The following SHANK2 variants were observed in gnomAD, a reference collection of about 807,000 sequenced individuals.
SHANK2 encodes the protein SH3 and multiple ankyrin repeat domains 2, also known as SH3 and multiple ankyrin repeat domains protein 2.
Under a neutral mutation model 133.7 loss-of-function variants are expected in SHANK2, and 43 were observed. That is an observed-to-expected ratio of 0.32 (90% CI 0.25 to 0.41). SHANK2 has a LOEUF of 0.41. SHANK2 is among the 10% of genes least tolerant of loss of function. The probability of loss-of-function intolerance (pLI) is 1.00; values close to 1 mark genes in which losing one functional copy is unlikely to be tolerated. For missense variants in SHANK2, 1,994 were observed against 2,235.8 expected (o/e 0.89, Z 2.18); for synonymous variants, 1,017 against 952.8 (o/e 1.07, Z -1.24).
rs782516091 is a variant in SHANK2, at chr11:70,485,382, C to G, written c.4911G>C (p.Glu1637Asp). Residue 1637 changes from glutamate (E) to aspartate (D), a missense_variant, in exon 25 of 26, where the codon GAG becomes GAC. Physicochemically the swap from Glu to Asp is conservative, Grantham distance 45 (BLOSUM62 2). This residue lies in a region of SHANK2 where 797 missense variants were observed against 907.4 expected (regional missense o/e 0.88). Transcript: ENST00000601538. The surrounding 1 kb of genome is among the most constrained non-coding windows in gnomAD (Gnocchi z 5.8). ...LNSILQQMNR[E>D]KLAKPGEGLD... ...GTCCTTCCCCCGGCTTTGCCAATTT[C>G]TCTCGGTTCATTTGCTGTAGGATAG... is the stretch of plus-strand genomic sequence containing the variant. 3.1e-6 allele frequency: 5 copies of G among 1,614,068 alleles called. No homozygotes were observed. In the South Asian group the frequency reaches 5.5e-5, roughly 18 times the overall value.
chr11:70,579,370 C>A (rs1345486459), intron 17 of SHANK2, among the ~76,000 whole-genome samples: 2 of 152,254 alleles, frequency 1.3e-5, no homozygotes, highest in Non-Finnish European at 2.9e-5. Flanking sequence ...ATGGTGGCTG[C>A]CTCTGAGGAC....
chr11:70,846,877 C>A lies in SHANK2; in HGVS notation c.1175-26195G>T, dbSNP rs533628551. On this transcript the variant is annotated intron_variant, in intron 11 of 25. Coordinates refer to ENST00000601538, the MANE Select transcript of SHANK2 (RefSeq NM_012309.5). ...TGAACGAGGTCATCCAATGGAGAGC[C>A]TTCGGTGCCTCCCAGGCCCAGAGCA... is the stretch of plus-strand genomic sequence containing the variant. Among the ~76,000 whole-genome samples, 5 of 152,206 alleles carry A rather than the reference C, an allele frequency of 3.3e-5. No homozygotes were observed. The South Asian group carries it at 1.0e-3, about 32-fold the overall frequency.
In SHANK2 at chr11:70,598,840, G is replaced by A. The variant is rs540641299; in HGVS notation, c.2061+60988C>T. On this transcript the variant is annotated intron_variant, in intron 17 of 25. Transcript: ENST00000601538. ...CAAGTGATACAAAAAAGGACTTGAGGAAATTAATTATCCGCTTGCAATTAA... is the reference window on the plus strand; with the variant it reads ...CAAGTGATACAAAAAAGGACTTGAGAAAATTAATTATCCGCTTGCAATTAA... 3.6e-4 allele frequency among the ~76,000 whole-genome samples: 52 copies of A among 145,280 alleles called. 2 individuals carry two copies. In the South Asian group the frequency reaches 0.01, roughly 29 times the overall value.
intron 3 of SHANK2, among the ~76,000 whole-genome samples, chr11:71,120,700 C>A (rs2135275557): frequency 1.3e-5 from 2 of 152,320 alleles, no homozygotes; most frequent in East Asian, 1.9e-4. Context: ...CCGCACCCTC[C>A]CCCATCCTTG....
chr11:71,089,844 G>A (rs1483371882), intron 8 of SHANK2, among the ~76,000 whole-genome samples: 2 of 152,230 alleles, frequency 1.3e-5, no homozygotes, highest in Non-Finnish European at 2.9e-5. Flanking sequence ...GCCGAGGGAT[G>A]GCAGGGCCAT....
chr11:71,197,823 T>G (rs1271571956), intron 2 of SHANK2, among the ~76,000 whole-genome samples: 1 of 152,170 alleles, frequency 6.6e-6, no homozygotes, highest in East Asian at 1.9e-4. Context: ...CACTGTTGAT[T>G]AACCGAAAGG....
At chr11:70,837,975 CAAAAAAAAAAA>C (rs55862093) in intron 11 of SHANK2, among the ~76,000 whole-genome samples, 39 of 25,178 alleles carry the variant, frequency 1.5e-3, no homozygotes, top group African/African-American at 4.3e-3. Context: ...CATTCTGTCT[CAAAAAAAAAAA>C]AAAAAAAAAA....
intron 6 of SHANK2, among the ~76,000 whole-genome samples, chr11:71,096,594 T>C (rs1555095471): frequency 6.6e-6 from 1 of 152,098 alleles, no homozygotes; most frequent in African/African-American, 2.4e-5. Context: ...TGACTGATCC[T>C]CGAAGGGCAC....
chr11:70,682,547 C>A (rs1945051332), intron 15 of SHANK2, among the ~76,000 whole-genome samples: 1 of 152,202 alleles, frequency 6.6e-6, no homozygotes, highest in Admixed American at 6.5e-5. Flanking sequence ...GAAGTGGGAC[C>A]AGGAGGATGA....
chr11:70,728,359 G>C (rs1555031227), intron 14 of SHANK2, among the ~76,000 whole-genome samples: 1 of 152,220 alleles, frequency 6.6e-6, no homozygotes, highest in Admixed American at 6.5e-5. Flanking sequence ...CCGAGGCACC[G>C]TGACTTGGGA....
intron 17 of SHANK2, among the ~76,000 whole-genome samples, chr11:70,504,588 G>A (rs1565079208): frequency 6.6e-6 from 1 of 152,156 alleles, no homozygotes; most frequent in Non-Finnish European, 1.5e-5. Flanking sequence ...CTGGACAGCT[G>A]GTCACCCTGC....
chr11:70,755,708 C>A (rs1946854208), intron 14 of SHANK2, among the ~76,000 whole-genome samples: 1 of 152,164 alleles, frequency 6.6e-6, no homozygotes, highest in Non-Finnish European at 1.5e-5. Flanking sequence ...CATCTAGTGG[C>A]CACAAGCAGG....
chr11:70,566,935 A>G (rs1554982002), intron 17 of SHANK2, among the ~76,000 whole-genome samples: 2 of 152,070 alleles, frequency 1.3e-5, no homozygotes, highest in Non-Finnish European at 2.9e-5. Context: ...AAGAATCTCT[A>G]CTCAGCCACA....
At chr11:70,756,475 C>T (rs782233751) in intron 14 of SHANK2, among the ~76,000 whole-genome samples, 7 of 152,188 alleles carry the variant, frequency 4.6e-5, no homozygotes, top group African/African-American at 7.2e-5. Context: ...GCACAGAGCA[C>T]ACCCTCTCCC....
chr11:70,502,001 G>T, intron 19 of SHANK2, 70 bp from the exon 20 acceptor site: 1 of 1,510,060 alleles, frequency 6.6e-7, no homozygotes, highest in Non-Finnish European at 9.0e-7. Flanking sequence ...GGCAGGACTA[G>T]CAACAACGCC....
In SHANK2 at chr11:70,599,907, G is replaced by GAAAGAAAGAGAAAGAAAT. The variant is rs1565166292; in HGVS notation, c.2061+59920_2061+59921insATTTCTTTCTCTTTCTTT. On this transcript the variant is annotated intron_variant, in intron 17 of 25. Coordinates refer to ENST00000601538, the MANE Select transcript of SHANK2 (RefSeq NM_012309.5). The stretch of plus-strand genomic sequence containing the variant: ...AGAAAGAAAAAGAAAGAAAGAAAGA[G>GAAAGAAAGAGAAAGAAAT]AAAGAAAGAAAGAAAGAAAGAAAGA... Among the ~76,000 whole-genome samples the GAAAGAAAGAGAAAGAAAT allele has an allele frequency of 1.4e-3, 18 of 12,650 alleles. 1 individual carries two copies. The highest frequency in any genetic ancestry group is 2.7e-3 in the Non-Finnish European group (16 of 5,880). 8.3% of individuals were successfully genotyped at this position (12,650 alleles called of 152,430 possible).
chr11:70,539,395 G>C (rs1554974759), intron 17 of SHANK2, among the ~76,000 whole-genome samples: 1 of 152,080 alleles, frequency 6.6e-6, no homozygotes, highest in Admixed American at 6.5e-5. Flanking sequence ...TCCCAAATGG[G>C]GGCCAGACTC....
intron 15 of SHANK2, among the ~76,000 whole-genome samples, chr11:70,663,440 G>A (rs1555014060): frequency 6.6e-6 from 1 of 152,190 alleles, no homozygotes; most frequent in East Asian, 1.9e-4. Flanking sequence ...AGGCTGGTGA[G>A]GCTCAGAGAG....
intron 2 of SHANK2, among the ~76,000 whole-genome samples, chr11:71,214,971 T>C (rs1954375462): frequency 6.6e-6 from 1 of 152,190 alleles, no homozygotes; most frequent in Admixed American, 6.5e-5. Context: ...AGAATAGGGC[T>C]GCGTGGCGGT....
Sources: allele counts gnomAD v4.1 joint callset (sites outside exome capture counted in the v4.1 genomes callset), GRCh38; gene constraint gnomAD v4.1.1; regional missense constraint gnomAD v4.1.1; non-coding constraint Gnocchi (gnomAD v3.1); transcripts MANE v1.5; gene names NCBI Gene and HGNC (gene_info 2026-07-23, HGNC 2026-07-21).